Variants in NRG1 observed in about 807,000 individuals in gnomAD.
The protein encoded by NRG1 is neuregulin 1.
Under a neutral mutation model 63.8 loss-of-function variants are expected in NRG1, and 18 were observed. That is an observed-to-expected ratio of 0.28 (90% CI 0.19 to 0.42). NRG1 has a LOEUF of 0.42. NRG1 is among the 10% of genes least tolerant of loss of function. The pLI, the probability that NRG1 is intolerant of heterozygous loss-of-function variation, is 1.00. For missense variants in NRG1, 762 were observed against 814.7 expected, an observed-to-expected ratio of 0.94 and a Z score of 0.79; for synonymous variants, 302 against 301.3, an observed-to-expected ratio of 1.00 and a Z score of -0.02.
chr8:32,688,211 A>C (rs1216712976), intron 5 of NRG1, among the ~76,000 whole-genome samples: 1 of 152,202 alleles, frequency 6.6e-6, no homozygotes, highest in African/African-American at 2.4e-5. Context: ...ATAAGTGACT[A>C]ACATACGTAC....
intron 1 of NRG1, among the ~76,000 whole-genome samples, chr8:32,476,719 T>C (rs1824568497): frequency 6.6e-6 from 1 of 152,170 alleles, no homozygotes. Flanking sequence ...TTTTTATACA[T>C]GACCTGCAGT....
In NRG1 at chr8:32,367,025, A is replaced by T. The variant is rs376322295; in HGVS notation, c.38-228803A>T. Among the ~76,000 whole-genome samples the T allele has an allele frequency of 5.9e-5, 9 of 151,946 alleles. No homozygotes were observed. The East Asian group carries it at 9.7e-4, about 16-fold the overall frequency. Reference sequence around the variant, plus strand: ...CCGCATCTGGCCTCACATTTTCTTTATCCATTCATCCATTGATGGACATTT... The same window carrying T: ...CCGCATCTGGCCTCACATTTTCTTTTTCCATTCATCCATTGATGGACATTT... On this transcript the variant is annotated intron_variant, in intron 1 of 10. Coordinates refer to the NRG1 transcript ENST00000519301.
intron 1 of NRG1, among the ~76,000 whole-genome samples, chr8:31,680,603 G>A (rs868598260): frequency 5.4e-4 from 81 of 149,900 alleles, no homozygotes; most frequent in African/African-American, 1.4e-3. Context: ...ACAAACATAC[G>A]TGTGCATGTG....
At chr8:32,668,157 G>C (rs966393751) in intron 5 of NRG1, among the ~76,000 whole-genome samples, 3 of 151,544 alleles carry the variant, frequency 2.0e-5, no homozygotes, top group African/African-American at 4.9e-5. Flanking sequence ...AGGTTGTAGT[G>C]AGCCGAGATC....
At chr8:32,030,184 T>C (rs1244415132) in intron 1 of NRG1, among the ~76,000 whole-genome samples, 1 of 152,244 alleles carries the variant, frequency 6.6e-6, no homozygotes, top group East Asian at 1.9e-4. Context: ...CTTCATTCTC[T>C]AGATCTGTCA....
At chr8:32,318,759 G>A (rs532911430) in intron 1 of NRG1, among the ~76,000 whole-genome samples, 1 of 152,234 alleles carries the variant, frequency 6.6e-6, no homozygotes, top group South Asian at 2.1e-4. Flanking sequence ...TTTATGACAG[G>A]CTGAGAAGTT....
At chr8:31,837,385 C>T (rs1825775254) in intron 1 of NRG1, among the ~76,000 whole-genome samples, 1 of 151,872 alleles carries the variant, frequency 6.6e-6, no homozygotes, top group Non-Finnish European at 1.5e-5. Context: ...TTTATTGACA[C>T]CTAATAATTT....
chr8:32,239,956 T>C (rs1847941326), intron 1 of NRG1, among the ~76,000 whole-genome samples: 1 of 152,172 alleles, frequency 6.6e-6, no homozygotes, highest in African/African-American at 2.4e-5. Flanking sequence ...ACATTGTTGA[T>C]GGAAATGTAA....
intron 1 of NRG1, among the ~76,000 whole-genome samples, chr8:31,854,096 G>A (rs540848465): frequency 2.2e-4 from 33 of 151,822 alleles, no homozygotes; most frequent in African/African-American, 7.0e-4. Flanking sequence ...GTCTCTGCCC[G>A]GCTTTGGTAT....
intron 1 of NRG1, among the ~76,000 whole-genome samples, chr8:32,159,968 T>C (rs1054927286): frequency 6.6e-6 from 1 of 152,182 alleles, no homozygotes; most frequent in Non-Finnish European, 1.5e-5. Flanking sequence ...TATTGTCTTA[T>C]TGAGAAGAAA....
chr8:32,506,616 A>G (rs552164016), intron 1 of NRG1, among the ~76,000 whole-genome samples: 1 of 152,288 alleles, frequency 6.6e-6, no homozygotes, highest in Admixed American at 6.5e-5. Context: ...ATTTCTTACA[A>G]ATGTTTTCTC....
intron 1 of NRG1, among the ~76,000 whole-genome samples, chr8:32,409,959 C>T (rs1221410799): frequency 6.6e-6 from 1 of 152,080 alleles, no homozygotes; most frequent in Non-Finnish European, 1.5e-5. Context: ...GGTGTACCAT[C>T]GTTATCTCTG....
intron 1 of NRG1, among the ~76,000 whole-genome samples, chr8:32,189,240 T>G (rs2132175227): frequency 6.6e-6 from 1 of 152,186 alleles, no homozygotes; most frequent in Middle Eastern, 3.4e-3. Context: ...CCTTCCGTCT[T>G]CCCCCTCAGT....
chr8:31,823,064 G>A (rs557936325), intron 1 of NRG1, among the ~76,000 whole-genome samples: 6 of 150,654 alleles, frequency 4.0e-5, no homozygotes, highest in Admixed American at 1.3e-4. Context: ...ATGACCAAAG[G>A]TATGTGTGTG....
At chr8:32,184,696 A>T (rs1427599045) in intron 1 of NRG1, among the ~76,000 whole-genome samples, 1 of 152,090 alleles carries the variant, frequency 6.6e-6, no homozygotes, top group South Asian at 2.1e-4. Flanking sequence ...TTATGCTTTA[A>T]TGGTTAGAGC....
chr8:31,764,587 G>A (rs1444922178), intron 1 of NRG1, among the ~76,000 whole-genome samples: 3 of 151,948 alleles, frequency 2.0e-5, no homozygotes, highest in Admixed American at 6.6e-5. Context: ...ATGAATTTTA[G>A]AATAATCTAT....
intron 1 of NRG1, among the ~76,000 whole-genome samples, chr8:32,071,816 A>G (rs913719693): frequency 2.0e-5 from 3 of 152,170 alleles, no homozygotes; most frequent in South Asian, 2.1e-4. Flanking sequence ...CTTACAAGCT[A>G]TGTATTTAAA....
At chr8:32,131,943 C>T (rs898179883) in intron 1 of NRG1, among the ~76,000 whole-genome samples, 3 of 151,908 alleles carry the variant, frequency 2.0e-5, no homozygotes, top group African/African-American at 7.2e-5. Context: ...GACAGACAAA[C>T]AAAAACAATG....
chr8:32,429,429 C>G (rs2129486641), intron 1 of NRG1, among the ~76,000 whole-genome samples: 1 of 152,288 alleles, frequency 6.6e-6, no homozygotes, highest in South Asian at 2.1e-4. Flanking sequence ...TGCCCACTGG[C>G]TCAGCTTCTC....
Sources: gnomAD v4.1 joint callset for allele counts (sites outside exome capture counted in the v4.1 genomes callset) on GRCh38, gnomAD v4.1.1 for gene constraint, MANE v1.5 for transcripts, NCBI Gene and HGNC (gene_info 2026-07-23, HGNC 2026-07-21) for gene names.